The following ADARB1 variants were observed in gnomAD, a reference collection of about 807,000 sequenced individuals.
ADARB1 encodes double-stranded RNA-specific editase 1.
A neutral mutation model predicts 52.4 loss-of-function variants in ADARB1; 10 were observed. The observed-to-expected ratio is 0.19, with a 90% CI of 0.12 to 0.32. ADARB1 has a LOEUF of 0.32. ADARB1 is among the 10% of genes least tolerant of loss of function. The pLI is 1.00. For synonymous variants in ADARB1, 349 were observed against 371.1 expected, an observed-to-expected ratio of 0.94 and a Z score of 0.68; for missense variants, 643 against 922.3, an observed-to-expected ratio of 0.70 and a Z score of 3.92.
intron 8 of ADARB1, among the ~76,000 whole-genome samples, chr21:45,193,023 GA>G (rs1305749619): frequency 6.6e-6 from 1 of 152,120 alleles, no homozygotes; most frequent in Non-Finnish European, 1.5e-5. Flanking sequence ...ATTTAAGGAA[GA>G]AATACCCATT....
intron 1 of ADARB1, among the ~76,000 whole-genome samples, chr21:45,087,935 C>T (rs942350458): frequency 6.6e-6 from 1 of 152,058 alleles, no homozygotes; most frequent in Non-Finnish European, 1.5e-5. Context: ...CAATGTGAAA[C>T]GACTTTATGT....
rs2092627010 is a variant in ADARB1, at chr21:45,204,472, C to G, written c.1566-83C>G. 7.1e-7 allele frequency: 1 copy of G among 1,404,226 alleles called. No individual in the cohort carries two copies. Among genetic ancestry groups the G allele is most frequent in the African/African-American group, 1.4e-5 (1 of 70,586 alleles). 87.0% of individuals were successfully genotyped at this position (1,404,226 alleles called of 1,614,324 possible). Reference sequence around the variant, plus strand: ...GGATCCTGCGGAATTGCCAGTGCATCCCTGTAACCACGCAGGCTTGGGCTG... The same window carrying G: ...GGATCCTGCGGAATTGCCAGTGCATGCCTGTAACCACGCAGGCTTGGGCTG... On this transcript the variant is annotated intron_variant, in intron 8 of 10. Transcript: ENST00000348831. This position sits in a 1 kb window ranked among gnomAD's most constrained non-coding sequence, Gnocchi z 4.4.
chr21:45,171,206 GC>G (rs2091467894), intron 2 of ADARB1, among the ~76,000 whole-genome samples: 5 of 152,196 alleles, frequency 3.3e-5, no homozygotes, highest in Admixed American at 2.0e-4. Flanking sequence ...GAGTGCAAAT[GC>G]CAGTGCCTTT....
At chr21:45,207,411 A>T (rs2092686860) in intron 9 of ADARB1, among the ~76,000 whole-genome samples, 1 of 152,192 alleles carries the variant, frequency 6.6e-6, no homozygotes, top group South Asian at 2.1e-4. Flanking sequence ...GTGGAGCAGG[A>T]TGGGAGGGCA....
chr21:45,118,626 A>G (rs559130290), intron 1 of ADARB1: 1 of 152,328 alleles, frequency 6.6e-6, no homozygotes, highest in South Asian at 2.1e-4. Flanking sequence ...GCAGGTAAAC[A>G]TCTTCTACTC....
In ADARB1 at chr21:45,172,964, A is replaced by G. The variant is rs777199279; in HGVS notation, c.28+1280A>G. ...AAGTTTTAAGAGAGAGGTTACGTCC[A>G]TACTCCTCATTTGAGAAAATGTGAC... On this transcript the variant is annotated intron_variant, in intron 3 of 10. Coordinates refer to ENST00000348831, the MANE Select transcript of ADARB1 (RefSeq NM_001112.4). The surrounding 1 kb of genome is among the most constrained non-coding windows in gnomAD (Gnocchi z 4.4). Among the ~76,000 whole-genome samples the G allele has an allele frequency of 1.1e-4, 17 of 152,294 alleles. No individual in the cohort carries two copies. The highest frequency in any genetic ancestry group is 3.4e-3 in the Middle Eastern group (1 of 294).
chr21:45,182,638 A>G lies in ADARB1; in HGVS notation c.1132A>G (p.Ile378Val). The change falls in exon 6 of 11, where the codon ATT (isoleucine) becomes GTT (valine). Residue 378 changes from isoleucine (I) to valine (V), a missense_variant. Ile to Val is a conservative substitution (Grantham distance 29). Coordinates refer to ENST00000348831, the MANE Select transcript of ADARB1 (RefSeq NM_001112.4). Reference sequence around the variant, plus strand: ...AAGTGTTTCTACAGGAACAAAATGTATTAATGGTGAATACATGAGTGATCG... The same window carrying G: ...AAGTGTTTCTACAGGAACAAAATGTGTTAATGGTGAATACATGAGTGATCG... ...VISVSTGTKCINGEYMSDRGL... is the reference protein window; with the variant it reads ...VISVSTGTKCVNGEYMSDRGL... 6.2e-7 allele frequency: 1 copy of G among 1,610,150 alleles called. No homozygotes were observed. Among genetic ancestry groups the G allele is most frequent in the Non-Finnish European group, 8.5e-7 (1 of 1,178,992 alleles).
At chr21:45,154,096 G>A (rs2090438749) in intron 2 of ADARB1, among the ~76,000 whole-genome samples, 1 of 152,206 alleles carries the variant, frequency 6.6e-6, no homozygotes, top group African/African-American at 2.4e-5. Flanking sequence ...GGAATTTACT[G>A]TGATTCAAGC....
At chr21:45,133,892 C>T (rs1448005042) in intron 2 of ADARB1, among the ~76,000 whole-genome samples, 10 of 107,942 alleles carry the variant, frequency 9.3e-5, no homozygotes, top group African/African-American at 3.7e-4. Context: ...GTGGTGTGTG[C>T]GCCCGACGGG....
intron 1 of ADARB1, among the ~76,000 whole-genome samples, chr21:45,125,370 A>G (rs2088507441): frequency 6.6e-6 from 1 of 152,194 alleles, no homozygotes; most frequent in Non-Finnish European, 1.5e-5. Context: ...AGTGTCCTGT[A>G]TGAGAAGGCT....
At chr21:45,139,252 ACTT>A (rs1056167306) in intron 2 of ADARB1, among the ~76,000 whole-genome samples, 24 of 151,858 alleles carry the variant, frequency 1.6e-4, no homozygotes, top group African/African-American at 5.3e-4. Context: ...AAAGTAGAAA[ACTT>A]CTTCTGTTCT....
intron 2 of ADARB1, among the ~76,000 whole-genome samples, chr21:45,168,927 T>C (rs141179200): frequency 2.0e-5 from 3 of 152,370 alleles, no homozygotes; most frequent in East Asian, 1.9e-4. Context: ...TAAATCTTAC[T>C]GAAGCCTTCT....
intron 4 of ADARB1, chr21:45,177,033 C>G (rs1290149535): frequency 5.2e-6 from 1 of 190,728 alleles, no homozygotes; most frequent in African/African-American, 2.3e-5. Context: ...TCTTTGAAAC[C>G]TTGCCCCCAG....
intron 9 of ADARB1, among the ~76,000 whole-genome samples, chr21:45,218,776 G>A (rs935432066): frequency 5.3e-5 from 8 of 152,206 alleles, no homozygotes; most frequent in Non-Finnish European, 1.0e-4. Flanking sequence ...CACAGGGCAC[G>A]AAGTGAGTTG....
At chr21:45,132,881 G>A (rs537193612) in intron 2 of ADARB1, among the ~76,000 whole-genome samples, 1 of 152,334 alleles carries the variant, frequency 6.6e-6, no homozygotes, top group Admixed American at 6.5e-5. Context: ...GCTAGAGATA[G>A]ACGAAGAAGA....
In ADARB1 at chr21:45,221,002, T is replaced by C. The variant is rs1449129869; in HGVS notation, c.1914T>C (p.Arg638=). ...ACGCGTTGTACTGTCGCTGGATGCGTGTGCACGGCAAGGTACTGAGGCGCC... is the reference window on the plus strand; with the variant it reads ...ACGCGTTGTACTGTCGCTGGATGCGCGTGCACGGCAAGGTACTGAGGCGCC... The part of the protein sequence containing the change: ...CKHALYCRWM[R]VHGKVPSHLL... The change falls in exon 10 of 11, where the codon CGT becomes CGC. Residue 638 remains arginine, a synonymous_variant. Transcript: ENST00000348831. The surrounding 1 kb of genome is among the most constrained non-coding windows in gnomAD (Gnocchi z 4.9). 1.2e-6 allele frequency: 2 copies of C among 1,611,300 alleles called. No homozygotes were observed. Among genetic ancestry groups the C allele is most frequent in the East Asian group, 2.2e-5 (1 of 44,860 alleles).
At chr21:45,191,864 ATATATATATATATATATTTTTTTT>A (rs1231130045) in intron 8 of ADARB1, among the ~76,000 whole-genome samples, 13 of 20,432 alleles carry the variant, frequency 6.4e-4, no homozygotes, top group African/African-American at 1.6e-3. Context: ...ATATATATAT[ATATATATATATATATATTTTTTTT>A]TTTTTTTTTT....
rs2092983047 is a variant in ADARB1 at position 45,222,422 on chromosome 21, G to A, written c.*225G>A. On this transcript the variant is annotated 3_prime_UTR_variant, in exon 11 of 11. Coordinates refer to ENST00000348831, the MANE Select transcript of ADARB1 (RefSeq NM_001112.4). ...GCGTCAGGGCCCAGCATCGCCGCCT[G>A]GCATCTCTCTGCCGCAGCATTTCCC... 1 of 1,290,636 alleles carries A rather than the reference G, an allele frequency of 7.7e-7. No individual in the cohort carries two copies. Among genetic ancestry groups the A allele is most frequent in the African/African-American group, 1.5e-5 (1 of 65,012 alleles). 79.9% of individuals were successfully genotyped at this position (1,290,636 alleles called of 1,614,324 possible).
intron 2 of ADARB1, chr21:45,145,767 A>G (rs1013756490): frequency 2.0e-5 from 3 of 152,200 alleles, no homozygotes; most frequent in Non-Finnish European, 4.4e-5. Context: ...ATCCCTCAAC[A>G]AGCTTACCGT....
Sources: allele counts gnomAD v4.1 joint callset (sites outside exome capture counted in the v4.1 genomes callset), GRCh38; gene constraint gnomAD v4.1.1; non-coding constraint Gnocchi (gnomAD v3.1); transcripts MANE v1.5; gene names NCBI Gene and HGNC (gene_info 2026-07-23, HGNC 2026-07-21).